The following SLC71A1 variants were observed in gnomAD, a reference collection of about 807,000 sequenced individuals.
The protein encoded by SLC71A1 is solute carrier family 71 member 1, also known as hippocampus abundant gene transcript 1.
At chr1:100,043,850 T>C in the SLC71A1 span, among the ~76,000 whole-genome samples, 3 of 152,266 alleles carry the variant, frequency 2.0e-5, no homozygotes, top group Non-Finnish European at 2.9e-5. Flanking sequence ...AATAATGGCC[T>C]CCAATTCCAT....
At chr1:100,058,456 A>T in the SLC71A1 span, among the ~76,000 whole-genome samples, 1 of 152,200 alleles carries the variant, frequency 6.6e-6, no homozygotes, top group Non-Finnish European at 1.5e-5. Context: ...AAATGAGATA[A>T]TATATGTAAA....
the SLC71A1 span, among the ~76,000 whole-genome samples, chr1:100,071,308 A>G: frequency 6.2e-5 from 9 of 145,656 alleles, no homozygotes; most frequent in African/African-American, 1.9e-4. Flanking sequence ...AAAAAAAAAA[A>G]AAAAAAAAGA....
the SLC71A1 span, chr1:100,059,871 T>G: frequency 1.9e-6 from 3 of 1,598,174 alleles, no homozygotes; most frequent in South Asian, 3.4e-5. Context: ...TCATTTAATT[T>G]TTTTAGGGTT....
chr1:100,083,143 G>A, the SLC71A1 span: 1 of 152,432 alleles, frequency 6.6e-6, no homozygotes, highest in African/African-American at 2.4e-5. Flanking sequence ...AATTACCGAT[G>A]TGAATTTCTC....
the SLC71A1 span, chr1:100,077,049 T>TA: frequency 1.7e-6 from 1 of 603,402 alleles, no homozygotes; most frequent in South Asian, 2.2e-5. Context: ...TCAGGGCAAT[T>TA]ATTGCTGAAA....
chr1:100,080,260 T>C, the SLC71A1 span: 1 of 338,502 alleles, frequency 3.0e-6, no homozygotes, highest in African/African-American at 2.1e-5. Flanking sequence ...CACTTGTTTC[T>C]ATGTGAGACC....
the SLC71A1 span, chr1:100,049,849 A>G: frequency 4.9e-6 from 4 of 811,570 alleles, no homozygotes; most frequent in Non-Finnish European, 8.2e-6. Context: ...GTTATTGTTA[A>G]TAATTATAGA....
At chr1:100,042,780 G>T in the SLC71A1 span, among the ~76,000 whole-genome samples, 1 of 151,942 alleles carries the variant, frequency 6.6e-6, no homozygotes, top group African/African-American at 2.4e-5. Context: ...GCTAATTTTT[G>T]TATTTTTTTA....
the SLC71A1 span, chr1:100,077,325 C>G: frequency 1.0e-6 from 1 of 987,134 alleles, no homozygotes; most frequent in Admixed American, 2.1e-5. Context: ...TGGTGTTAGC[C>G]CTTGTGTTTT....
chr1:100,038,284 G>A, the SLC71A1 span: 1 of 1,560,414 alleles, frequency 6.4e-7, no homozygotes, highest in Non-Finnish European at 8.7e-7. Context: ...TATCATGCTG[G>A]CCAAGAAGAT....
chr1:100,047,636 G>A, the SLC71A1 span, among the ~76,000 whole-genome samples: 1 of 152,120 alleles, frequency 6.6e-6, no homozygotes, highest in African/African-American at 2.4e-5. Context: ...TGGTCAGGCT[G>A]GTCTTGAACT....
At chr1:100,067,958 T>C in the SLC71A1 span, 5 of 1,606,462 alleles carry the variant, frequency 3.1e-6, no homozygotes, top group Non-Finnish European at 4.3e-6. Context: ...AATCTCTGTC[T>C]ATCCTTAATT....
At chr1:100,071,424 T>C in the SLC71A1 span, among the ~76,000 whole-genome samples, 1 of 151,828 alleles carries the variant, frequency 6.6e-6, no homozygotes, top group East Asian at 1.9e-4. Context: ...TGAGCCACAG[T>C]TGTCCCATGG....
At chr1:100,064,357 C>G in the SLC71A1 span, among the ~76,000 whole-genome samples, 1 of 152,154 alleles carries the variant, frequency 6.6e-6, no homozygotes, top group South Asian at 2.1e-4. Context: ...GTCTTGAACT[C>G]CTGACCTTTG....
At chr1:100,057,365 T>G in the SLC71A1 span, among the ~76,000 whole-genome samples, 1 of 151,558 alleles carries the variant, frequency 6.6e-6, no homozygotes, top group South Asian at 2.1e-4. Flanking sequence ...TTCTTTTTTT[T>G]TTTTTTTAAG....
the SLC71A1 span, among the ~76,000 whole-genome samples, chr1:100,052,235 G>A: frequency 2.0e-5 from 3 of 152,082 alleles, no homozygotes; most frequent in Non-Finnish European, 4.4e-5. Flanking sequence ...TTTCAAGTGT[G>A]TATAGCTATT....
the SLC71A1 span, among the ~76,000 whole-genome samples, chr1:100,072,925 T>C: frequency 3.9e-5 from 6 of 152,150 alleles, no homozygotes; most frequent in Non-Finnish European, 8.8e-5. Flanking sequence ...ACACTTACTC[T>C]TCCAGTCCAG....
the SLC71A1 span, among the ~76,000 whole-genome samples, chr1:100,049,160 T>G: frequency 1.3e-5 from 2 of 152,226 alleles, no homozygotes; most frequent in African/African-American, 2.4e-5. Flanking sequence ...AATACTGCAG[T>G]GAGTCTTAAG....
chr1:100,083,004 A>G, the SLC71A1 span: 2 of 152,550 alleles, frequency 1.3e-5, no homozygotes, highest in Non-Finnish European at 2.9e-5. Flanking sequence ...TAGCCTTGAA[A>G]ATGTCAGTGT....
Sources: allele counts gnomAD v4.1 joint callset (sites outside exome capture counted in the v4.1 genomes callset), GRCh38; gene constraint gnomAD v4.1.1; transcripts MANE v1.5; gene names NCBI Gene and HGNC (gene_info 2026-07-23, HGNC 2026-07-21).